PRH1: variants seen among roughly 807,000 people sequenced by gnomAD.
PRH1 encodes the protein proline rich protein HaeIII subfamily 1.
A neutral mutation model predicts 7.9 loss-of-function variants in PRH1; 7 were observed. That is an observed-to-expected ratio of 0.89 (90% confidence interval 0.50 to 1.67). PRH1 has a LOEUF of 1.67. Among genes scored for constraint, PRH1 ranks in the 40% most tolerant of loss-of-function variants. The pLI is 0.00. For missense variants in PRH1, 109 were observed against 223.6 expected (o/e 0.49, Z 3.27); for synonymous variants, 45 against 80.8 (o/e 0.56, Z 2.38).
At chr12:10,963,547 A>T (rs967306475) in intron 2 of PRH1, among the ~76,000 whole-genome samples, 24 of 152,220 alleles carry the variant, frequency 1.6e-4, no homozygotes, top group Non-Finnish European at 2.4e-4. Context: ...GCTCTGAAGC[A>T]GTTTAGGAAA....
chr12:11,085,916 G>A (rs376746621), intron 1 of PRH1, among the ~76,000 whole-genome samples: 7,540 of 71,200 alleles, frequency 0.11, 142 homozygotes, highest in Non-Finnish European at 0.15. Flanking sequence ...CAAAACTAGA[G>A]TCATGACCAC....
At chr12:11,114,125 T>A (rs988797262) in intron 1 of PRH1, among the ~76,000 whole-genome samples, 4 of 152,062 alleles carry the variant, frequency 2.6e-5, no homozygotes, top group Admixed American at 2.0e-4. Context: ...GAACCAGAAA[T>A]ACCATTTGAC....
intron 1 of PRH1, among the ~76,000 whole-genome samples, chr12:11,110,703 C>T (rs1945565031): frequency 6.6e-6 from 1 of 152,114 alleles, no homozygotes; most frequent in South Asian, 2.1e-4. Flanking sequence ...AGAAAAACAC[C>T]AAATTGTAAA....
At chr12:11,126,671 T>C (rs1017955130) in intron 1 of PRH1, among the ~76,000 whole-genome samples, 7 of 152,162 alleles carry the variant, frequency 4.6e-5, no homozygotes, top group African/African-American at 1.4e-4. Flanking sequence ...CTCAAAGTAA[T>C]TGCACTGATT....
intron 1 of PRH1, chr12:10,986,947 A>G (rs1939672381): frequency 1.0e-6 from 1 of 956,416 alleles, no homozygotes; most frequent in East Asian, 2.7e-5. Flanking sequence ...TTTTATGTGC[A>G]TCTGATTTCT....
intron 1 of PRH1, among the ~76,000 whole-genome samples, chr12:11,070,818 T>C (rs1944031443): frequency 6.9e-6 from 1 of 144,098 alleles, no homozygotes; most frequent in Non-Finnish European, 1.6e-5. Context: ...TAATTTTCTT[T>C]TGTTTTCTGT....
chr12:11,102,666 G>A (rs1448762269), intron 1 of PRH1, among the ~76,000 whole-genome samples: 1 of 152,032 alleles, frequency 6.6e-6, no homozygotes, highest in Non-Finnish European at 1.5e-5. Flanking sequence ...CAAAAGCAAT[G>A]GCAACAAAAG....
At chr12:10,917,691 A>G (rs528597723) in intron 2 of PRH1, among the ~76,000 whole-genome samples, 2 of 152,180 alleles carry the variant, frequency 1.3e-5, no homozygotes, top group African/African-American at 2.4e-5. Flanking sequence ...ACAGTCCCCA[A>G]TTAGGAGACT....
intron 1 of PRH1, chr12:11,133,957 G>C (rs747573449): frequency 6.2e-7 from 1 of 1,614,104 alleles, no homozygotes; most frequent in South Asian, 1.1e-5. Flanking sequence ...TAGCAAGCCA[G>C]CTGCTGAAAT....
In PRH1 at chr12:11,150,152, C is replaced by T. The variant is rs1170832810; in HGVS notation, n.39+21270G>A. Among the ~76,000 whole-genome samples, 29 of 151,850 alleles carry T rather than the reference C, an allele frequency of 1.9e-4. No individual in the cohort carries two copies. In the East Asian group the frequency reaches 3.5e-3, roughly 18 times the overall value. ...CTCACACCAGTTAGAATGGCAATCA[C>T]TAAAAAGTCAGGAAACAACAGGTGC... On this transcript the variant is annotated intron_variant and non_coding_transcript_variant, in intron 1 of 1. Transcript: ENST00000541175.
chr12:11,120,651 G>GTT (rs35216470), downstream of PRH1, among the ~76,000 whole-genome samples: 2 of 149,296 alleles, frequency 1.3e-5, no homozygotes, highest in African/African-American at 2.5e-5. Context: ...TCAGATGGCT[G>GTT]TTTTTTTTTT....
intron 1 of PRH1, among the ~76,000 whole-genome samples, chr12:11,123,442 CCA>C (rs1945985452): frequency 6.6e-6 from 1 of 152,112 alleles, no homozygotes; most frequent in Non-Finnish European, 1.5e-5. Context: ...CACTTTATCT[CCA>C]GTCTCTTTAT....
intron 1 of PRH1, among the ~76,000 whole-genome samples, chr12:11,144,279 A>T (rs1445531935): frequency 6.6e-6 from 1 of 151,574 alleles, no homozygotes; most frequent in Non-Finnish European, 1.5e-5. Flanking sequence ...GCTGTGGGGG[A>T]TGGGGATGAG....
intron 1 of PRH1, among the ~76,000 whole-genome samples, chr12:10,993,090 C>G (rs1940022060): frequency 2.0e-5 from 3 of 152,224 alleles, no homozygotes; most frequent in African/African-American, 7.2e-5. Flanking sequence ...GATGGATTAT[C>G]AGATGAATGC....
chr12:10,894,072 A>G (rs538892882), intron 2 of PRH1, among the ~76,000 whole-genome samples: 1 of 152,206 alleles, frequency 6.6e-6, no homozygotes, highest in South Asian at 2.1e-4. Context: ...CTTTCATCAA[A>G]TGAGATCCTG....
chr12:11,016,607 C>T (rs1470873831), intron 1 of PRH1, among the ~76,000 whole-genome samples: 3 of 146,068 alleles, frequency 2.1e-5, no homozygotes, highest in Admixed American at 6.9e-5. Flanking sequence ...TCCAAAAGTG[C>T]GGGGACTGCG....
chr12:10,975,976 G>A (rs891093778), intron 1 of PRH1, among the ~76,000 whole-genome samples: 13 of 152,102 alleles, frequency 8.5e-5, no homozygotes, highest in Admixed American at 2.6e-4. Flanking sequence ...ACTAGTGGGA[G>A]AATTCAACAC....
chr12:10,930,357 T>C, intron 2 of PRH1: 1 of 1,580,914 alleles, frequency 6.3e-7, no homozygotes, highest in South Asian at 1.1e-5. Context: ...CCCTGAAAAA[T>C]TGATCAGTTC....
At chr12:11,088,061 C>A (rs1394397061) in intron 1 of PRH1, among the ~76,000 whole-genome samples, 1 of 126,768 alleles carries the variant, frequency 7.9e-6, no homozygotes, top group East Asian at 2.0e-4. Flanking sequence ...ATATTACAGA[C>A]CAGGCCCTGT....
Sources: allele counts gnomAD v4.1 joint callset (sites outside exome capture counted in the v4.1 genomes callset), GRCh38; gene constraint gnomAD v4.1.1; transcripts MANE v1.5; gene names NCBI Gene and HGNC (gene_info 2026-07-23, HGNC 2026-07-21).